The following EPC2 variants were observed in gnomAD, a reference collection of about 807,000 sequenced individuals.
The protein encoded by EPC2 is enhancer of polycomb homolog 2.
EPC2 carries 14 observed loss-of-function variants against 92.1 expected under a neutral mutation model. That is an observed-to-expected ratio of 0.15 (90% CI 0.10 to 0.24). The LOEUF is 0.24. Ranked by LOEUF, EPC2 falls within the 10% of genes least tolerant of loss-of-function variation. The probability of loss-of-function intolerance (pLI) is 1.00; values close to 1 mark genes in which losing one functional copy is unlikely to be tolerated. For synonymous variants in EPC2, 340 were observed against 334.7 expected (o/e 1.02, Z -0.17); for missense variants, 755 against 971.5 (o/e 0.78, Z 2.96).
intron 1 of EPC2, among the ~76,000 whole-genome samples, chr2:148,661,316 C>G (rs1680928552): frequency 6.6e-6 from 1 of 152,008 alleles, no homozygotes; most frequent in African/African-American, 2.4e-5. Context: ...TAAATGGAAT[C>G]TTCTCTCTCA....
intron 2 of EPC2, chr2:148,691,620 G>C: frequency 1.3e-6 from 2 of 1,550,090 alleles, no homozygotes; most frequent in Admixed American, 3.9e-5. Flanking sequence ...GTTTCTGCCA[G>C]GCATTTGGGG....
At chr2:148,757,308 G>A (rs553087254) in intron 4 of EPC2, among the ~76,000 whole-genome samples, 5 of 152,044 alleles carry the variant, frequency 3.3e-5, no homozygotes, top group East Asian at 1.9e-4. Context: ...CCCGGGAGGC[G>A]GAGGTTGCAG....
chr2:148,727,269 T>A (rs1462674522), intron 2 of EPC2, among the ~76,000 whole-genome samples: 1 of 152,220 alleles, frequency 6.6e-6, no homozygotes, highest in East Asian at 1.9e-4. Flanking sequence ...GGGTTTCTGT[T>A]CTGTTCCATT....
Position 148,786,465 on chromosome 2 carries a change from A to G in EPC2, c.*88A>G, listed in dbSNP as rs1274861695. ...CAAAAGGCAACACTCTGTGGATCAC[A>G]GAGTGTAACAATGGACCTAAATGGA... On this transcript the variant is annotated 3_prime_UTR_variant, in exon 14 of 14. Coordinates refer to ENST00000258484, the MANE Select transcript of EPC2 (RefSeq NM_015630.4). The G allele has an allele frequency of 8.7e-6, 9 of 1,029,494 alleles. No individual in the cohort carries two copies. The highest frequency in any genetic ancestry group is 7.8e-5 in the East Asian group (3 of 38,674). 63.8% of individuals were successfully genotyped at this position (1,029,494 alleles called of 1,614,324 possible). A position where few individuals can be genotyped will look rare whatever the true frequency, so the allele number is the denominator to read the frequency against.
chr2:148,689,227 G>T (rs1278473537), intron 1 of EPC2, among the ~76,000 whole-genome samples: 1 of 151,880 alleles, frequency 6.6e-6, no homozygotes, highest in Non-Finnish European at 1.5e-5. Context: ...GCCCAGGCTG[G>T]AGTCCAGTGG....
chr2:148,783,685 C>A lies in EPC2; in HGVS notation c.1946C>A (p.Pro649Gln). ...AASAVVSAPV[P>Q]SRSEVAKEQN... Reference sequence around the variant, plus strand: ...TCTGCAGTGGTCAGTGCACCTGTTCCAAGTCGCAGTGAGGTAGCCAAGGAA... The same window carrying A: ...TCTGCAGTGGTCAGTGCACCTGTTCAAAGTCGCAGTGAGGTAGCCAAGGAA... Residue 649 changes from proline to glutamine, a missense_variant, in exon 12 of 14, where the codon CCA (proline) becomes CAA (glutamine). Pro to Gln is a moderately conservative substitution (Grantham distance 76). This residue lies in a region of EPC2 where 207 missense variants were observed against 260.5 expected (regional missense o/e 0.79). Transcript: ENST00000258484. The A allele has an allele frequency of 6.3e-7, 1 of 1,597,206 alleles. No homozygotes were observed. The highest frequency in any genetic ancestry group is 8.5e-7 in the Non-Finnish European group (1 of 1,171,214).
At chr2:148,692,034 C>A in intron 2 of EPC2, 1 of 325,726 alleles carries the variant, frequency 3.1e-6, no homozygotes, top group Non-Finnish European at 5.9e-6. Flanking sequence ...ATATTAGGTT[C>A]TTTGTAATTT....
chr2:148,781,007 TTAC>T (rs1683737606), intron 10 of EPC2, among the ~76,000 whole-genome samples: 2 of 152,182 alleles, frequency 1.3e-5, no homozygotes, highest in African/African-American at 4.8e-5. Context: ...GCAGTAGAAT[TTAC>T]TACATCTGAG....
chr2:148,762,561 G>C, intron 5 of EPC2, 109 bp from the exon 6 acceptor site: 2 of 727,228 alleles, frequency 2.8e-6, no homozygotes, highest in Non-Finnish European at 4.2e-6. Flanking sequence ...TAATTTGATT[G>C]TTAGCCCTTT....
chr2:148,703,695 A>C (rs996813833), intron 2 of EPC2, among the ~76,000 whole-genome samples: 4 of 152,042 alleles, frequency 2.6e-5, no homozygotes, highest in Non-Finnish European at 5.9e-5. Context: ...TGCCTGGCTA[A>C]TTTTATTTTA....
At chr2:148,777,433 A>G (rs1683668077) in intron 10 of EPC2, among the ~76,000 whole-genome samples, 1 of 152,198 alleles carries the variant, frequency 6.6e-6, no homozygotes, top group African/African-American at 2.4e-5. Context: ...CACAAGCACA[A>G]AAATCCTGTG....
chr2:148,645,390 G>A, intron 1 of EPC2: 2 of 483,752 alleles, frequency 4.1e-6, no homozygotes, highest in South Asian at 2.4e-5. Context: ...TGATTAGCTC[G>A]CAGCGCTGCT....
chr2:148,755,302 A>AT (rs1683165393), intron 4 of EPC2, among the ~76,000 whole-genome samples: 1 of 152,166 alleles, frequency 6.6e-6, no homozygotes, highest in Non-Finnish European at 1.5e-5. Flanking sequence ...CTGAAACAAG[A>AT]TAAGTTCATA....
At chr2:148,647,075 A>T (rs1425576399) in intron 1 of EPC2, among the ~76,000 whole-genome samples, 1 of 151,974 alleles carries the variant, frequency 6.6e-6, no homozygotes, top group Non-Finnish European at 1.5e-5. Context: ...GTGCCACTGC[A>T]CTCCAGCCTG....
intron 3 of EPC2, among the ~76,000 whole-genome samples, chr2:148,751,954 T>C (rs1287520727): frequency 2.6e-5 from 4 of 152,134 alleles, no homozygotes; most frequent in Non-Finnish European, 4.4e-5. Context: ...CTGTAAAGTG[T>C]GTGTTGAATT....
At chr2:148,749,828 TTA>T (rs150428869) in intron 3 of EPC2, among the ~76,000 whole-genome samples, 3,824 of 152,254 alleles carry the variant, frequency 0.025, 55 homozygotes, top group East Asian at 0.031. Flanking sequence ...TATTTTATAA[TTA>T]TGTTATATAA....
In EPC2 at chr2:148,786,387, C is replaced by G. The variant is rs372607923; in HGVS notation, c.*10C>G. ...TATGGAAGTGACATAACCTAAAACA[C>G]GTGGCTCTGACCTGTGCTGATGGTG... On this transcript the variant is annotated 3_prime_UTR_variant, in exon 14 of 14. Transcript: ENST00000258484. 64 of 1,600,818 alleles carry G rather than the reference C, an allele frequency of 4.0e-5. No homozygotes were observed. The highest frequency in any genetic ancestry group is 5.4e-5 in the Non-Finnish European group (63 of 1,172,676).
At position 148,785,140 on chromosome 2, in the gene EPC2, A is replaced by G; in HGVS notation, c.2351+139A>G. 2 of 691,410 alleles carry G rather than the reference A, an allele frequency of 2.9e-6. 1 individual carries two copies. The highest frequency in any genetic ancestry group is 6.5e-4 in the Middle Eastern group (2 of 3,058). The allele number at this position is 691,410 out of a possible 1,614,324, so 42.8% of individuals were successfully genotyped here. On this transcript the variant is annotated intron_variant, in intron 13 of 13. Coordinates refer to ENST00000258484, the MANE Select transcript of EPC2 (RefSeq NM_015630.4). The stretch of plus-strand genomic sequence containing the variant: ...TTCAATAGATACTGAAGATCTGTAT[A>G]AAGCTCTGTGACTTAGGTATTTGTT...
intron 1 of EPC2, 25 bp downstream of exon 1, chr2:148,645,195 C>A (rs1162906903): frequency 6.4e-7 from 1 of 1,558,398 alleles, no homozygotes. Context: ...GTTTATTACC[C>A]CCCCTTCCCT....
Sources: gnomAD v4.1 joint callset for allele counts (sites outside exome capture counted in the v4.1 genomes callset) on GRCh38, gnomAD v4.1.1 for gene constraint, gnomAD v4.1.1 regional missense constraint, MANE v1.5 for transcripts, NCBI Gene and HGNC (gene_info 2026-07-23, HGNC 2026-07-21) for gene names.